The following DGKZ variants were observed in gnomAD, a reference collection of about 807,000 sequenced individuals.
The protein encoded by DGKZ is DAG kinase zeta.
In DGKZ, 45 loss-of-function variants were observed where a neutral mutation model predicts 142.5. The observed-to-expected ratio is 0.32, with a 90% CI of 0.25 to 0.40. The LOEUF is 0.40. Ranked by LOEUF, DGKZ falls within the 10% of genes least tolerant of loss-of-function variation. The pLI is 1.00. For missense variants in DGKZ, 755 were observed against 1,306.5 expected, an observed-to-expected ratio of 0.58 and a Z score of 6.51; for synonymous variants, 442 against 527.0, an observed-to-expected ratio of 0.84 and a Z score of 2.21.
intron 1 of DGKZ, among the ~76,000 whole-genome samples, chr11:46,357,993 C>T (rs1024221148): frequency 6.6e-5 from 10 of 152,178 alleles, no homozygotes; most frequent in Admixed American, 3.3e-4. Context: ...GCAGGAGCCA[C>T]GTCTGCCAGG....
intron 24 of DGKZ, 87 bp from the exon 25 acceptor site, chr11:46,376,986 A>G: frequency 3.2e-6 from 4 of 1,231,740 alleles, no homozygotes; most frequent in Non-Finnish European, 3.5e-6. Flanking sequence ...TGCTCATGGC[A>G]GAGGCTTCTC....
In DGKZ at chr11:46,367,377, T is replaced by A; in HGVS notation, c.248T>A (p.Ile83Asn). The change falls in exon 2 of 31, where the codon ATC becomes AAC. Residue 83 changes from isoleucine (I) to asparagine (N), a missense_variant. Transcript: ENST00000527911. This position sits in a 1 kb window ranked among gnomAD's most constrained non-coding sequence, Gnocchi z 4.1. Reference sequence around the variant, plus strand: ...CCGTGCAGCGAGTCAGAGCGGCAGATCCGGAGTACAGTGGACTGGAGCGTG... The same window carrying A: ...CCGTGCAGCGAGTCAGAGCGGCAGAACCGGAGTACAGTGGACTGGAGCGTG... 6.2e-7 allele frequency: 1 copy of A among 1,613,104 alleles called. No individual in the cohort carries two copies. Among genetic ancestry groups the A allele is most frequent in the Non-Finnish European group, 8.5e-7 (1 of 1,179,978 alleles).
intron 1 of DGKZ, among the ~76,000 whole-genome samples, chr11:46,349,748 G>A (rs1941130747): frequency 6.6e-6 from 1 of 152,172 alleles, no homozygotes; most frequent in Admixed American, 6.5e-5. Context: ...GAGGGGATTT[G>A]CTCAGAGTCA....
intron 1 of DGKZ, chr11:46,365,047 A>C (rs575439238): frequency 2.0e-6 from 2 of 985,190 alleles, no homozygotes; most frequent in East Asian, 1.1e-4. Context: ...CTGTTAGGAG[A>C]GGTAGGGCAC....
exon 20 of DGKZ, chr11:46,375,578 G>A: frequency 1.9e-6 from 3 of 1,591,282 alleles, no homozygotes; most frequent in Non-Finnish European, 2.6e-6. Flanking sequence ...TGCGCAACCA[G>A]GCCACCATGG....
chr11:46,375,756 G>A lies in DGKZ; in HGVS notation c.1911-95G>A, dbSNP rs781459749. 1.5e-4 allele frequency: 222 copies of A among 1,510,068 alleles called. 1 individual carries two copies. The highest frequency in any genetic ancestry group is 1.6e-4 in the Non-Finnish European group (180 of 1,121,332). 93.5% of individuals were successfully genotyped at this position (1,510,068 alleles called of 1,614,324 possible). On this transcript the variant is annotated intron_variant, in intron 20 of 30. Transcript: ENST00000527911. ...GCCCCAGGGGTGTTGGGAGTGGAGCGGGACCTTCTCTCGGCAAGTGGTTTG... is the reference window on the plus strand; with the variant it reads ...GCCCCAGGGGTGTTGGGAGTGGAGCAGGACCTTCTCTCGGCAAGTGGTTTG...
At position 46,376,605 on chromosome 11, in the gene DGKZ, G is replaced by A. The variant is rs766882012; in HGVS notation, c.2202+41G>A. ...CCTGCTCCAGCCACAGCTGCTTCCG[G>A]GCCCCAGGGTCGCCTCTCCTGGGAC... On this transcript the variant is annotated intron_variant, in intron 24 of 30. Coordinates refer to ENST00000527911, the Ensembl canonical transcript of DGKZ. The A allele has an allele frequency of 3.7e-6, 6 of 1,611,942 alleles. No homozygotes were observed. In the African/African-American group the frequency reaches 8.0e-5, roughly 22 times the overall value.
At chr11:46,369,890 T>C (rs766368872) in intron 5 of DGKZ, 51 bp from the exon 6 acceptor site, 6 of 1,595,534 alleles carry the variant, frequency 3.8e-6, no homozygotes. Context: ...TCCTCAGGAC[T>C]GTGCCCCTGC....
chr11:46,333,234 C>T, exon 1 of DGKZ: 2 of 1,241,292 alleles, frequency 1.6e-6, no homozygotes, highest in South Asian at 6.7e-5. Flanking sequence ...TGAGCGGGTG[C>T]CCGAAAGGCC....
At position 46,376,208 on chromosome 11, in the gene DGKZ, C is replaced by T; in HGVS notation, c.2091+63C>T. ...GGTGGTGGGAAGTGAGGCCAGGCCT[C>T]TTCCTCCCGCAGCCAGCTCGCCCTG... On this transcript the variant is annotated intron_variant, in intron 22 of 30. Transcript: ENST00000527911. The T allele has an allele frequency of 3.7e-6, 6 of 1,607,710 alleles. No individual in the cohort carries two copies. The South Asian group carries it at 6.6e-5, about 18-fold the overall frequency.
intron 1 of DGKZ, among the ~76,000 whole-genome samples, chr11:46,358,385 G>A (rs932680709): frequency 1.3e-5 from 2 of 152,096 alleles, no homozygotes; most frequent in Non-Finnish European, 2.9e-5. Context: ...CTCTTAACTC[G>A]ATGCAGTTGT....
At chr11:46,341,089 A>C (rs554573972) in intron 1 of DGKZ, among the ~76,000 whole-genome samples, 1 of 152,344 alleles carries the variant, frequency 6.6e-6, no homozygotes, top group East Asian at 1.9e-4. Context: ...CGGAGGTTGC[A>C]GTGAGCTGAG....
chr11:46,352,793 C>T (rs1243627366), intron 1 of DGKZ, among the ~76,000 whole-genome samples: 2 of 152,236 alleles, frequency 1.3e-5, no homozygotes, highest in Non-Finnish European at 2.9e-5. Flanking sequence ...GCACTCATTC[C>T]TTGCTCTTCT....
rs1264541417 is a variant in DGKZ at position 46,367,354 on chromosome 11, G to A, written c.225G>A (p.Pro75=). 6.2e-7 allele frequency: 1 copy of A among 1,613,164 alleles called. No individual in the cohort carries two copies. Among genetic ancestry groups the A allele is most frequent in the Non-Finnish European group, 8.5e-7 (1 of 1,179,986 alleles). Residue 75 remains proline, a synonymous_variant, in exon 2 of 31, where the codon CCG becomes CCA. Transcript: ENST00000527911. The surrounding 1 kb of genome is among the most constrained non-coding windows in gnomAD (Gnocchi z 4.1). ...CCCCTCCGCCCACCCCTGGGGCCCC[G>A]TGCAGCGAGTCAGAGCGGCAGATCC...
At chr11:46,371,211 G>T in intron 6 of DGKZ, 102 bp from the exon 7 acceptor site, 1 of 1,145,080 alleles carries the variant, frequency 8.7e-7, no homozygotes, top group South Asian at 1.4e-5. Flanking sequence ...GGGCAACATA[G>T]CGAGGCCCTG....
At chr11:46,333,307 G>C (rs1939859266) in exon 1 of DGKZ, 1 of 1,294,500 alleles carries the variant, frequency 7.7e-7, no homozygotes, top group East Asian at 3.2e-5. Context: ...GGAGGGCAGC[G>C]CTGGGACTGG....
intron 1 of DGKZ, among the ~76,000 whole-genome samples, chr11:46,363,314 G>T (rs1942885760): frequency 6.6e-6 from 1 of 152,176 alleles, no homozygotes; most frequent in South Asian, 2.1e-4. Flanking sequence ...CGGAGGCATG[G>T]GTGCCCAGCA....
intron 25 of DGKZ, 38 bp from the exon 26 acceptor site, chr11:46,378,156 CCTGT>C: frequency 6.3e-7 from 1 of 1,594,820 alleles, no homozygotes; most frequent in Admixed American, 1.7e-5. Context: ...GACCAGCTGG[CCTGT>C]GCCGTAGCCG....
upstream of DGKZ, among the ~76,000 whole-genome samples, chr11:46,347,186 G>C (rs1236826704): frequency 2.0e-5 from 3 of 152,170 alleles, no homozygotes; most frequent in South Asian, 4.1e-4. This position sits in a 1 kb window ranked among gnomAD's most constrained non-coding sequence, Gnocchi z 6.4. Context: ...GGGATCGGGG[G>C]AGGAAAGATG....
Sources: gnomAD v4.1 joint callset for allele counts (sites outside exome capture counted in the v4.1 genomes callset) on GRCh38, gnomAD v4.1.1 for gene constraint, Gnocchi (gnomAD v3.1) non-coding constraint, MANE v1.5 for transcripts, NCBI Gene and HGNC (gene_info 2026-07-23, HGNC 2026-07-21) for gene names.